NMT1: variants seen among roughly 807,000 people sequenced by gnomAD.
NMT1 encodes the protein glycylpeptide N-tetradecanoyltransferase 1.
NMT1 carries 12 observed loss-of-function variants against 63.4 expected under a neutral mutation model. The ratio of observed to expected loss-of-function variants is 0.19; its 90% CI spans 0.12 to 0.31. The LOEUF (loss-of-function observed/expected upper bound fraction) is 0.31. Among genes scored for constraint, NMT1 ranks in the 10% least tolerant of loss-of-function variants. The pLI, the probability that NMT1 is intolerant of heterozygous loss-of-function variation, is 1.00. For missense variants in NMT1, 432 were observed against 634.6 expected (o/e 0.68, Z 3.43); for synonymous variants, 228 against 234.3 (o/e 0.97, Z 0.25).
intron 1 of NMT1, 57 bp downstream of exon 1, chr17:45,061,517 G>T: frequency 6.5e-7 from 1 of 1,548,286 alleles, no homozygotes; most frequent in Non-Finnish European, 8.8e-7. Flanking sequence ...TGGGTCTCTG[G>T]GGTGCGGGGA....
intron 1 of NMT1, among the ~76,000 whole-genome samples, chr17:45,077,595 G>A (rs2053986289): frequency 1.3e-5 from 2 of 152,136 alleles, no homozygotes; most frequent in African/African-American, 4.8e-5. Flanking sequence ...TCTCCTTATT[G>A]GTCAGGCTGG....
intron 4 of NMT1, 89 bp downstream of exon 4, chr17:45,093,892 G>A: frequency 9.4e-7 from 1 of 1,061,688 alleles, no homozygotes; most frequent in Non-Finnish European, 1.4e-6. Flanking sequence ...GTTTACTCGA[G>A]CCCTAGAGAG....
At chr17:45,071,255 G>A (rs932721435) in intron 1 of NMT1, among the ~76,000 whole-genome samples, 9 of 152,154 alleles carry the variant, frequency 5.9e-5, no homozygotes, top group Non-Finnish European at 1.3e-4. Context: ...TTTTATTTGA[G>A]ACAAGGTTTC....
chr17:45,065,648 A>G (rs2053897952), intron 1 of NMT1, among the ~76,000 whole-genome samples: 1 of 151,064 alleles, frequency 6.6e-6, no homozygotes, highest in Non-Finnish European at 1.5e-5. Context: ...AAAAAAAGAA[A>G]TACCTACAGA....
chr17:45,077,024 C>T (rs560210592), intron 1 of NMT1, among the ~76,000 whole-genome samples: 16 of 152,256 alleles, frequency 1.1e-4, no homozygotes, highest in Admixed American at 4.6e-4. Flanking sequence ...GAAGTATCTC[C>T]GCTAAATAGG....
chr17:45,091,899 T>C (rs2054091009), intron 3 of NMT1, among the ~76,000 whole-genome samples: 1 of 152,136 alleles, frequency 6.6e-6, no homozygotes, highest in Non-Finnish European at 1.5e-5. Flanking sequence ...CGCATGCCTA[T>C]AGTCCCAACC....
intron 1 of NMT1, among the ~76,000 whole-genome samples, chr17:45,073,630 C>T (rs1433504312): frequency 6.6e-6 from 1 of 152,166 alleles, no homozygotes; most frequent in African/African-American, 2.4e-5. Flanking sequence ...TCTCAAACAC[C>T]AAAGCTGTGT....
At chr17:45,101,681 C>T (rs2054167589) in intron 8 of NMT1, among the ~76,000 whole-genome samples, 1 of 149,494 alleles carries the variant, frequency 6.7e-6, no homozygotes, top group Non-Finnish European at 1.5e-5. Context: ...CGGAGTGCTT[C>T]TTCCTATTGG....
rs1185809906 is a variant in NMT1, at chr17:45,061,412, A to T, written c.83A>T (p.Glu28Val). The T allele has an allele frequency of 6.2e-7, 1 of 1,613,958 alleles. No individual in the cohort carries two copies. Among genetic ancestry groups the T allele is most frequent in the Non-Finnish European group, 8.5e-7 (1 of 1,179,944 alleles). ...ATGGAAGGGAACGGGAACGGCCATG[A>T]GCACTGCAGCGATTGCGAGAATGAG... is the stretch of plus-strand genomic sequence containing the variant. ...QMMEGNGNGH[E>V]HCSDCENEED... Residue 28 changes from glutamate to valine, a missense_variant, in exon 1 of 12, where the codon GAG becomes GTG. Transcript: ENST00000258960.
intron 1 of NMT1, among the ~76,000 whole-genome samples, chr17:45,074,591 G>A (rs1027881018): frequency 6.6e-6 from 1 of 152,070 alleles, no homozygotes; most frequent in Admixed American, 6.6e-5. Context: ...GTATTTGCTA[G>A]GTTGGTCATT....
At chr17:45,102,635 A>G (rs1413596418) in intron 8 of NMT1, among the ~76,000 whole-genome samples, 1 of 152,254 alleles carries the variant, frequency 6.6e-6, no homozygotes, top group African/African-American at 2.4e-5. Context: ...ACCTGGCCCA[A>G]GGGTAGAAAT....
At chr17:45,074,806 G>A (rs2053967627) in intron 1 of NMT1, among the ~76,000 whole-genome samples, 1 of 152,198 alleles carries the variant, frequency 6.6e-6, no homozygotes, top group African/African-American at 2.4e-5. Context: ...GCCAATCTCA[G>A]TTTGAAATAA....
intron 1 of NMT1, among the ~76,000 whole-genome samples, chr17:45,079,940 C>T (rs1010632973): frequency 7.9e-5 from 12 of 152,078 alleles, no homozygotes; most frequent in East Asian, 7.7e-4. Context: ...CCTAGTGATC[C>T]GCCCGCCTCG....
intron 1 of NMT1, among the ~76,000 whole-genome samples, chr17:45,063,309 G>C (rs184990921): frequency 6.6e-6 from 1 of 151,658 alleles, no homozygotes; most frequent in East Asian, 1.9e-4. Context: ...ACTCACAACA[G>C]ATCTAATGTA....
chr17:45,082,134 G>A (rs1286140994), intron 2 of NMT1, among the ~76,000 whole-genome samples: 1 of 152,170 alleles, frequency 6.6e-6, no homozygotes, highest in African/African-American at 2.4e-5. Flanking sequence ...TTGAGACAGA[G>A]TCTTACTCTG....
At chr17:45,102,366 G>T (rs1206553553) in intron 8 of NMT1, among the ~76,000 whole-genome samples, 1 of 152,194 alleles carries the variant, frequency 6.6e-6, no homozygotes, top group Non-Finnish European at 1.5e-5. Flanking sequence ...CTGCCGGGTG[G>T]GACGCTGACT....
chr17:45,073,729 G>A (rs1477494096), intron 1 of NMT1, among the ~76,000 whole-genome samples: 1 of 152,158 alleles, frequency 6.6e-6, no homozygotes, highest in African/African-American at 2.4e-5. Flanking sequence ...ATAGCCTTTG[G>A]GGGGAAATGG....
In NMT1 at chr17:45,107,845, C is replaced by T. The variant is rs140336433; in HGVS notation, c.*2206C>T. 1 of 152,488 alleles carries T rather than the reference C, an allele frequency of 6.6e-6. No individual in the cohort carries two copies. Among genetic ancestry groups the T allele is most frequent in the East Asian group, 1.9e-4 (1 of 5,182 alleles). 9.4% of individuals were successfully genotyped at this position (152,488 alleles called of 1,614,324 possible). ...AAGAAACAGATCTCCTGGCAAAGGC[C>T]CCAGCATCTCCCTCACTGAAACCAG... On this transcript the variant is annotated 3_prime_UTR_variant, in exon 12 of 12. Coordinates refer to ENST00000258960, the MANE Select transcript of NMT1 (RefSeq NM_021079.5).
chr17:45,096,267 C>A lies in NMT1; in HGVS notation c.578C>A (p.Ser193Tyr). The change falls in exon 5 of 12, where the codon TCC becomes TAC. Residue 193 changes from serine to tyrosine, a missense_variant. Transcript: ENST00000258960. ...DDDNMFRFDY[S>Y]PEFLLWALRP... ...GACAACATGTTCCGATTTGATTATT[C>A]CCCGGAGTTTCTTTTGTGGTAAGTT... The A allele has an allele frequency of 6.2e-7, 1 of 1,613,828 alleles. No homozygotes were observed. The highest frequency in any genetic ancestry group is 8.5e-7 in the Non-Finnish European group (1 of 1,179,728).
Sources: allele counts gnomAD v4.1 joint callset (sites outside exome capture counted in the v4.1 genomes callset), GRCh38; gene constraint gnomAD v4.1.1; transcripts MANE v1.5; gene names NCBI Gene and HGNC (gene_info 2026-07-23, HGNC 2026-07-21).